EXOC6B: variants seen among roughly 807,000 people sequenced by gnomAD.
EXOC6B encodes the protein exocyst complex component 6B.
A neutral mutation model predicts 113.5 loss-of-function variants in EXOC6B; 54 were observed. That is an observed-to-expected ratio of 0.48 (90% CI 0.38 to 0.60). The LOEUF (loss-of-function observed/expected upper bound fraction) is 0.60, where lower values mean the gene tolerates loss of function less well. Among genes scored for constraint, EXOC6B ranks in the 20% least tolerant of loss-of-function variants. The pLI is 0.00. For synonymous variants in EXOC6B, 357 were observed against 339.0 expected (o/e 1.05, Z -0.58); for missense variants, 797 against 977.5 (o/e 0.82, Z 2.46).
rs111409221 is a variant in EXOC6B at position 72,485,666 on chromosome 2, A to C, written c.1666-4916T>G. 5.3e-5 allele frequency among the ~76,000 whole-genome samples: 8 copies of C among 152,348 alleles called. 1 individual carries two copies. Among genetic ancestry groups the C allele is most frequent in the African/African-American group, 1.9e-4 (8 of 41,578 alleles). ...ACAAAGTTTATATTTGACTAGACTT[A>C]AGTACAAAACATTTTAACAACGTGA... is the stretch of plus-strand genomic sequence containing the variant. On this transcript the variant is annotated intron_variant, in intron 16 of 21. Transcript: ENST00000272427.
At position 72,273,833 on chromosome 2, in the gene EXOC6B, A is replaced by G. The variant is rs563419340; in HGVS notation, c.2196+61114T>C. Among the ~76,000 whole-genome samples the G allele has an allele frequency of 2.6e-5, 4 of 152,252 alleles. No homozygotes were observed. The South Asian group carries it at 8.3e-4, about 32-fold the overall frequency. ...GATCAATTTAATTTGTCTTTCAGAAAGGCCACTTTAGCAGTAATGGGGGTG... is the reference window on the plus strand; with the variant it reads ...GATCAATTTAATTTGTCTTTCAGAAGGGCCACTTTAGCAGTAATGGGGGTG... On this transcript the variant is annotated intron_variant, in intron 20 of 21. Transcript: ENST00000272427.
intron 17 of EXOC6B, among the ~76,000 whole-genome samples, chr2:72,476,795 T>C (rs1191657180): frequency 6.6e-6 from 1 of 152,248 alleles, no homozygotes; most frequent in Non-Finnish European, 1.5e-5. Context: ...CTTCTCAGGT[T>C]GGTATTTATC....
intron 7 of EXOC6B, among the ~76,000 whole-genome samples, chr2:72,560,350 TAAAAAG>T (rs966626789): frequency 6.3e-4 from 95 of 151,646 alleles, no homozygotes; most frequent in African/African-American, 2.3e-3. Flanking sequence ...CAAAACAAAA[TAAAAAG>T]AAAATGAAAA....
chr2:72,503,825 T>C (rs1352130436), intron 11 of EXOC6B, among the ~76,000 whole-genome samples: 1 of 152,192 alleles, frequency 6.6e-6, no homozygotes, highest in African/African-American at 2.4e-5. Context: ...TGAATGAGAA[T>C]TCCTGATGCT....
At chr2:72,806,425 A>T (rs1171419314) in intron 1 of EXOC6B, among the ~76,000 whole-genome samples, 1 of 152,106 alleles carries the variant, frequency 6.6e-6, no homozygotes. Context: ...TATCCAATCC[A>T]CCACTGATGG....
At chr2:72,396,338 T>C (rs542383036) in intron 18 of EXOC6B, among the ~76,000 whole-genome samples, 1 of 152,242 alleles carries the variant, frequency 6.6e-6, no homozygotes, top group African/African-American at 2.4e-5. Flanking sequence ...AAGACTGCCT[T>C]GTTAATTAAG....
At chr2:72,790,058 A>G (rs1684591136) in intron 1 of EXOC6B, among the ~76,000 whole-genome samples, 1 of 152,178 alleles carries the variant, frequency 6.6e-6, no homozygotes, top group Admixed American at 6.5e-5. Flanking sequence ...CCACACTCAG[A>G]GAAATGGCAC....
chr2:72,749,375 T>C (rs982030119), intron 1 of EXOC6B, among the ~76,000 whole-genome samples: 8 of 152,066 alleles, frequency 5.3e-5, no homozygotes, highest in African/African-American at 1.4e-4. Context: ...TCACTTAGTA[T>C]CTATCATCAA....
At chr2:72,631,395 A>AGT (rs1277696341) in intron 6 of EXOC6B, among the ~76,000 whole-genome samples, 1 of 137,560 alleles carries the variant, frequency 7.3e-6, no homozygotes, top group African/African-American at 2.8e-5. Flanking sequence ...GTGATATAGT[A>AGT]GTGTGTGTAT....
At chr2:72,565,913 C>A (rs964599593) in intron 7 of EXOC6B, among the ~76,000 whole-genome samples, 1 of 151,970 alleles carries the variant, frequency 6.6e-6, no homozygotes, top group Admixed American at 6.6e-5. Context: ...CAAAATTATA[C>A]GTGCATTTAC....
chr2:72,324,344 G>A (rs1688008124), intron 20 of EXOC6B, among the ~76,000 whole-genome samples: 1 of 152,272 alleles, frequency 6.6e-6, no homozygotes, highest in South Asian at 2.1e-4. Context: ...TCTGAGAAAT[G>A]GCAGGAGCCC....
chr2:72,673,850 T>C (rs1275432889), intron 6 of EXOC6B, among the ~76,000 whole-genome samples: 1 of 151,888 alleles, frequency 6.6e-6, no homozygotes, highest in Non-Finnish European at 1.5e-5. Flanking sequence ...ATCACAATTA[T>C]AAGCATGTAC....
At chr2:72,206,069 C>T (rs546802711) in intron 20 of EXOC6B, among the ~76,000 whole-genome samples, 42 of 152,216 alleles carry the variant, frequency 2.8e-4, no homozygotes, top group Non-Finnish European at 5.1e-4. Flanking sequence ...ACATTCATTG[C>T]AAGCCAGATG....
intron 20 of EXOC6B, among the ~76,000 whole-genome samples, chr2:72,255,307 T>C (rs550709611): frequency 6.6e-6 from 1 of 152,198 alleles, no homozygotes; most frequent in Admixed American, 6.5e-5. Context: ...AAGTGAAGGA[T>C]TGCTGTTGGG....
chr2:72,822,129 T>C (rs1034898204), intron 1 of EXOC6B, among the ~76,000 whole-genome samples: 12 of 152,122 alleles, frequency 7.9e-5, no homozygotes, highest in African/African-American at 2.7e-4. Flanking sequence ...AAAGTAGAGA[T>C]ATAGGGATGG....
intron 1 of EXOC6B, among the ~76,000 whole-genome samples, chr2:72,763,728 T>C (rs1175275163): frequency 6.6e-6 from 1 of 152,146 alleles, no homozygotes; most frequent in African/African-American, 2.4e-5. Context: ...CCAGCCCAAT[T>C]TGAACTTTTA....
chr2:72,641,452 G>C (rs374241015), intron 6 of EXOC6B, among the ~76,000 whole-genome samples: 16 of 152,394 alleles, frequency 1.0e-4, no homozygotes, highest in African/African-American at 3.1e-4. Flanking sequence ...ACGAAGCCTT[G>C]CTCACTGCTA....
At chr2:72,354,265 A>G (rs979808416) in intron 19 of EXOC6B, 2 of 152,236 alleles carry the variant, frequency 1.3e-5, no homozygotes, top group Non-Finnish European at 2.9e-5. Context: ...TTGCCACAGA[A>G]AAGAAGTTCA....
intron 19 of EXOC6B, among the ~76,000 whole-genome samples, chr2:72,366,114 C>A (rs587431): frequency 6.6e-6 from 1 of 151,792 alleles, no homozygotes; most frequent in East Asian, 1.9e-4. Flanking sequence ...ATCAGGTGAA[C>A]AATATCAATA....
Sources: gnomAD v4.1 joint callset for allele counts (sites outside exome capture counted in the v4.1 genomes callset) on GRCh38, gnomAD v4.1.1 for gene constraint, MANE v1.5 for transcripts, NCBI Gene and HGNC (gene_info 2026-07-23, HGNC 2026-07-21) for gene names.